The following DNMT1 variants were observed in gnomAD, a reference collection of about 807,000 sequenced individuals.
The protein encoded by DNMT1 is DNA (cytosine-5)-methyltransferase 1.
In DNMT1, 24 loss-of-function variants were observed where a neutral mutation model predicts 205.3. The ratio of observed to expected loss-of-function variants is 0.12; its 90% CI spans 0.08 to 0.16. The LOEUF (loss-of-function observed/expected upper bound fraction) is 0.16. Ranked by LOEUF, DNMT1 falls within the 10% of genes least tolerant of loss-of-function variation. The probability of loss-of-function intolerance (pLI) is 1.00; values close to 1 mark genes in which losing one functional copy is unlikely to be tolerated. For synonymous variants in DNMT1, 817 were observed against 839.8 expected (o/e 0.97, Z 0.47); for missense variants, 1,293 against 2,177.7 (o/e 0.59, Z 8.09).
Position 10,173,852 on chromosome 19 carries a change from G to GT in DNMT1, c.683+18dup. On this transcript the variant is annotated intron_variant, in intron 8 of 40. Coordinates refer to ENST00000359526, the MANE Select transcript of DNMT1 (RefSeq NM_001130823.3). ...CACAACTCGTAGAACAAAAAGAAAGGTATAGTAACTATTCTTACCGTTCTC... is the reference window on the plus strand; with the variant it reads ...CACAACTCGTAGAACAAAAAGAAAGGTTATAGTAACTATTCTTACCGTTCTC... 1 of 1,613,344 alleles carries GT rather than the reference G, an allele frequency of 6.2e-7. No individual in the cohort carries two copies. Among genetic ancestry groups the GT allele is most frequent in the Non-Finnish European group, 8.5e-7 (1 of 1,179,404 alleles).
chr19:10,166,366 T>C (rs551815928), intron 11 of DNMT1, among the ~76,000 whole-genome samples: 41 of 152,142 alleles, frequency 2.7e-4, no homozygotes, highest in Admixed American at 6.6e-4. Flanking sequence ...CTCTCTAGTG[T>C]GAAAGACAGA....
intron 1 of DNMT1, among the ~76,000 whole-genome samples, chr19:10,188,326 G>A (rs569307540): frequency 1.8e-4 from 28 of 152,182 alleles, no homozygotes; most frequent in Admixed American, 3.3e-4. Context: ...GATCACCTGA[G>A]CTCAGGAGTT....
Position 10,135,709 on chromosome 19 carries a change from A to G in DNMT1, c.4773+27T>C, listed in dbSNP as rs1471397797. 1.9e-6 allele frequency: 3 copies of G among 1,601,818 alleles called. No individual in the cohort carries two copies. In the South Asian group the frequency reaches 3.3e-5, roughly 18 times the overall value. On this transcript the variant is annotated intron_variant, in intron 39 of 40. Coordinates refer to ENST00000359526, the MANE Select transcript of DNMT1 (RefSeq NM_001130823.3). ...AGGCACAGAAGCCTCCTTCCTGTCC[A>G]GACCCAGCGGGCGCCGCCCCACTGA...
At chr19:10,163,251 G>A (rs1036820239) in intron 12 of DNMT1, 75 bp downstream of exon 12, 41 of 1,533,986 alleles carry the variant, frequency 2.7e-5, no homozygotes, top group African/African-American at 2.5e-4. Context: ...ACAGGTGCAA[G>A]CCACCACACC....
In DNMT1 at chr19:10,137,578, GGCA is replaced by G. The variant is rs1353341124; in HGVS notation, c.4293+251_4293+253del. 3.9e-4 allele frequency: 254 copies of G among 647,708 alleles called. No homozygotes were observed. Among genetic ancestry groups the G allele is most frequent in the Non-Finnish European group, 8.0e-5 (30 of 375,330 alleles). The allele number at this position is 647,708 out of a possible 1,614,324, so 40.1% of individuals were successfully genotyped here. A position where few individuals can be genotyped will look rare whatever the true frequency, so the allele number is the denominator to read the frequency against. On this transcript the variant is annotated intron_variant, in intron 36 of 40. Transcript: ENST00000359526. The surrounding 1 kb of genome is among the most constrained non-coding windows in gnomAD (Gnocchi z 6.4). ...CATCCTGGGAAAACATGCGGGGAGAGGCAGCAAGGGGGAAGGCAGTGGTGGGTG... is the reference window on the plus strand; with the variant it reads ...CATCCTGGGAAAACATGCGGGGAGAGGCAAGGGGGAAGGCAGTGGTGGGTG...
rs1599340347 is a variant in DNMT1, at chr19:10,136,436, C to T, written c.4490-149G>A. ...CAGCCAACAATCCTCGTTCTCTGGG[C>T]ACTGTTTTTATTATTAGTATTATAT... On this transcript the variant is annotated intron_variant, in intron 37 of 40. Coordinates refer to ENST00000359526, the MANE Select transcript of DNMT1 (RefSeq NM_001130823.3). 6.1e-6 allele frequency: 6 copies of T among 977,470 alleles called. No individual in the cohort carries two copies. The East Asian group carries it at 1.6e-4, about 26-fold the overall frequency. 60.5% of individuals were successfully genotyped at this position (977,470 alleles called of 1,614,324 possible).
At chr19:10,162,623 A>T in intron 13 of DNMT1, 44 bp downstream of exon 13, 2 of 928,700 alleles carry the variant, frequency 2.2e-6, no homozygotes, top group South Asian at 2.0e-5. Flanking sequence ...TCTTGGGGAA[A>T]AAAAAAAAAA....
intron 17 of DNMT1, among the ~76,000 whole-genome samples, chr19:10,158,155 C>T (rs985438014): frequency 6.6e-5 from 10 of 152,224 alleles, no homozygotes; most frequent in African/African-American, 2.4e-4. Context: ...CAGCCCCAGG[C>T]TCCCCCAAGC....
rs1256774103 is a variant in DNMT1 at position 10,156,517 on chromosome 19, G to A, written c.1281-8C>T. 7 of 1,607,368 alleles carry A rather than the reference G, an allele frequency of 4.4e-6. No homozygotes were observed. Among genetic ancestry groups the A allele is most frequent in the Non-Finnish European group, 6.0e-6 (7 of 1,174,386 alleles). On this transcript the variant is annotated splice_region_variant and splice_polypyrimidine_tract_variant and intron_variant, in intron 17 of 40. Transcript: ENST00000359526. This position sits in a 1 kb window ranked among gnomAD's most constrained non-coding sequence, Gnocchi z 4.2. Reference sequence around the variant, plus strand: ...CCGTGCTTACAGTACACACTAGACAGGAAACAAAGCACATGCTTACCAGCT... The same window carrying A: ...CCGTGCTTACAGTACACACTAGACAAGAAACAAAGCACATGCTTACCAGCT...
chr19:10,194,204 G>A (rs2039357348), intron 1 of DNMT1, among the ~76,000 whole-genome samples: 4 of 152,216 alleles, frequency 2.6e-5, no homozygotes, highest in Admixed American at 2.6e-4. Context: ...CTTTCCCAAG[G>A]AGCAAGAACC....
chr19:10,153,634 CA>C (rs2038394536), intron 22 of DNMT1, among the ~76,000 whole-genome samples: 1 of 117,866 alleles, frequency 8.5e-6, no homozygotes. Context: ...GAGACTGTCT[CA>C]AAAAAATTAA....
Position 10,180,579 on chromosome 19 carries a change from G to A in DNMT1, c.226-10C>T. 1 of 1,613,544 alleles carries A rather than the reference G, an allele frequency of 6.2e-7. No homozygotes were observed. Among genetic ancestry groups the A allele is most frequent in the Non-Finnish European group, 8.5e-7 (1 of 1,179,546 alleles). ...TAGCCAGGTAGCCCTCCTACAGCAG[G>A]AAAGGATAATTTAAGTAGCAGTGAA... On this transcript the variant is annotated splice_polypyrimidine_tract_variant and intron_variant, in intron 3 of 40. Transcript: ENST00000359526.
In DNMT1 at chr19:10,155,022, G is replaced by A. The variant is rs912120462; in HGVS notation, c.1527C>T (p.Pro509=). ...FAEYILMDPS[P]EYAPIFGLMQ... is the part of the protein sequence containing the mutation. Reference sequence around the variant, plus strand: ...TCAGCCCAAATATGGGCGCATACTCGGGACTGGGATCCATCAGAATGTATT... The same window carrying A: ...TCAGCCCAAATATGGGCGCATACTCAGGACTGGGATCCATCAGAATGTATT... The change falls in exon 20 of 41, where the codon CCC becomes CCT. Residue 509 remains proline, a synonymous_variant. Coordinates refer to ENST00000359526, the MANE Select transcript of DNMT1 (RefSeq NM_001130823.3). 5.6e-6 allele frequency: 9 copies of A among 1,614,026 alleles called. No homozygotes were observed. The highest frequency in any genetic ancestry group is 2.7e-5 in the African/African-American group (2 of 74,908).
intron 9 of DNMT1, among the ~76,000 whole-genome samples, chr19:10,171,316 C>A (rs974023805): frequency 1.3e-5 from 2 of 152,014 alleles, no homozygotes; most frequent in South Asian, 4.1e-4. Context: ...AGATCTTCAC[C>A]AAGATCTCGT....
chr19:10,172,951 G>A, intron 9 of DNMT1, 139 bp downstream of exon 9: 2 of 985,708 alleles, frequency 2.0e-6, no homozygotes. Context: ...TTTAGCCAAA[G>A]TCAAAGGCAT....
chr19:10,166,105 G>A lies in DNMT1; in HGVS notation c.891+493C>T, dbSNP rs115693679. 6.4e-3 allele frequency among the ~76,000 whole-genome samples: 967 copies of A among 152,212 alleles called. 9 individuals carry two copies. The highest frequency in any genetic ancestry group is 0.022 in the African/African-American group (918 of 41,536). Reference sequence around the variant, plus strand: ...TGCAGGAGGGCCTGCAGGCAACCTGGCCATCCTGTACTTTGACAGAGGCCC... The same window carrying A: ...TGCAGGAGGGCCTGCAGGCAACCTGACCATCCTGTACTTTGACAGAGGCCC... On this transcript the variant is annotated intron_variant, in intron 11 of 40. Coordinates refer to ENST00000359526, the MANE Select transcript of DNMT1 (RefSeq NM_001130823.3).
rs750769453 is a variant in DNMT1, at chr19:10,135,755, A to G, written c.4754T>C (p.Ile1585Thr). Residue 1585 changes from isoleucine (I) to threonine (T), a missense_variant, in exon 39 of 41, where the codon ATC becomes ACC. Ile to Thr is a moderately conservative substitution (Grantham distance 89). This residue lies in a region of DNMT1 where 24 missense variants were observed against 58.0 expected (regional missense o/e 0.41). Transcript: ENST00000359526. Reference sequence around the variant, plus strand: ...ACTGACCTGCCGGTGCTTGTCCAGGATGTTGCCGAAGAGCCGGTAGGTGTC... The same window carrying G: ...ACTGACCTGCCGGTGCTTGTCCAGGGTGTTGCCGAAGAGCCGGTAGGTGTC... The part of the protein sequence containing the change: ...FPDTYRLFGN[I>T]LDKHRQVGNA... The G allele has an allele frequency of 6.2e-7, 1 of 1,606,414 alleles. No individual in the cohort carries two copies. Among genetic ancestry groups the G allele is most frequent in the Admixed American group, 1.7e-5 (1 of 59,366 alleles).
At chr19:10,142,326 C>T in intron 29 of DNMT1, 106 bp from the exon 30 acceptor site, 10 of 1,515,024 alleles carry the variant, frequency 6.6e-6, no homozygotes, top group Non-Finnish European at 9.0e-6. Context: ...AGGGTAAAGA[C>T]CCCCTAGTTC....
intron 11 of DNMT1, among the ~76,000 whole-genome samples, chr19:10,166,070 C>G (rs955898621): frequency 1.3e-5 from 2 of 152,142 alleles, no homozygotes; most frequent in Non-Finnish European, 2.9e-5. Context: ...GCTCCCTTCC[C>G]TAGAGTTCAT....
Sources: gnomAD v4.1 joint callset for allele counts (sites outside exome capture counted in the v4.1 genomes callset) on GRCh38, gnomAD v4.1.1 for gene constraint, gnomAD v4.1.1 regional missense constraint, Gnocchi (gnomAD v3.1) non-coding constraint, MANE v1.5 for transcripts, NCBI Gene and HGNC (gene_info 2026-07-23, HGNC 2026-07-21) for gene names.